PGM5: variants seen among roughly 807,000 people sequenced by gnomAD.
PGM5 encodes phosphoglucomutase-like protein 5.
A neutral mutation model predicts 59.2 loss-of-function variants in PGM5; 23 were observed. The ratio of observed to expected loss-of-function variants is 0.39; its 90% CI spans 0.28 to 0.55. The LOEUF is 0.55. Ranked by LOEUF, PGM5 falls within the 20% of genes least tolerant of loss-of-function variation. The probability of loss-of-function intolerance (pLI) is 0.66; values close to 1 mark genes in which losing one functional copy is unlikely to be tolerated. For missense variants in PGM5, 574 were observed against 748.3 expected, an observed-to-expected ratio of 0.77 and a Z score of 2.72; for synonymous variants, 214 against 286.0, an observed-to-expected ratio of 0.75 and a Z score of 2.54.
chr9:68,492,859 C>T (rs1487080125), intron 9 of PGM5, among the ~76,000 whole-genome samples: 1 of 152,194 alleles, frequency 6.6e-6, no homozygotes, highest in African/African-American at 2.4e-5. Flanking sequence ...TTCTAGGCTG[C>T]ATGCCCACTT....
Position 68,357,192 on chromosome 9 carries a change from C to T in PGM5, c.65C>T (p.Ala22Val), listed in dbSNP as rs1224754486. ...GCGCCCTACGAGGACCAGCGGCCGGCCGGCGGCGGGGGTCTGCGGCGACCC... is the reference window on the plus strand; with the variant it reads ...GCGCCCTACGAGGACCAGCGGCCGGTCGGCGGCGGGGGTCTGCGGCGACCC... ...PTAPYEDQRP[A>V]GGGGLRRPTG... Residue 22 changes from alanine to valine, a missense_variant, in exon 1 of 11, where the codon GCC (alanine) becomes GTC (valine). This residue lies in a region of PGM5 where 60 missense variants were observed against 71.0 expected (regional missense o/e 0.85). Coordinates refer to ENST00000396396, the MANE Select transcript of PGM5 (RefSeq NM_021965.4). 5.2e-6 allele frequency: 8 copies of T among 1,539,864 alleles called. No homozygotes were observed. The Admixed American group carries it at 1.4e-4, about 26-fold the overall frequency.
intron 7 of PGM5, 129 bp downstream of exon 7, chr9:68,465,337 C>G: frequency 1.5e-6 from 1 of 645,516 alleles, no homozygotes; most frequent in Non-Finnish European, 2.8e-6. Flanking sequence ...TCAGAGAAAC[C>G]TAGTAGAGTA....
intron 6 of PGM5, among the ~76,000 whole-genome samples, chr9:68,436,989 G>A (rs1047753329): frequency 2.6e-5 from 4 of 152,142 alleles, no homozygotes; most frequent in Non-Finnish European, 5.9e-5. Context: ...GTGTATTAAT[G>A]AATTTCTTCA....
intron 6 of PGM5, among the ~76,000 whole-genome samples, chr9:68,407,705 C>A (rs1245827553): frequency 6.6e-6 from 1 of 152,186 alleles, no homozygotes; most frequent in Non-Finnish European, 1.5e-5. Context: ...TTGTATTGCC[C>A]ACACATCCCA....
chr9:68,359,355 C>T (rs1472456331), intron 1 of PGM5, among the ~76,000 whole-genome samples: 4 of 152,130 alleles, frequency 2.6e-5, no homozygotes, highest in Non-Finnish European at 4.4e-5. Flanking sequence ...ATAGAAGCAT[C>T]GACTCTTAAA....
At chr9:68,371,657 CAG>C (rs1207003950) in intron 1 of PGM5, 2 of 131,520 alleles carry the variant, frequency 1.5e-5, no homozygotes, top group Non-Finnish European at 3.3e-5. Context: ...GATCCTATGT[CAG>C]GGGATAGTCA....
At chr9:68,419,618 G>GACTT (rs769566413) in intron 6 of PGM5, among the ~76,000 whole-genome samples, 27 of 152,222 alleles carry the variant, frequency 1.8e-4, no homozygotes, top group Non-Finnish European at 2.9e-4. Flanking sequence ...TCCTCTCAGA[G>GACTT]ACTTAGCTTT....
At position 68,376,898 on chromosome 9, in the gene PGM5, CTCTCTCTT is replaced by C. The variant is rs1176299157; in HGVS notation, c.262-1297_262-1290del. Among the ~76,000 whole-genome samples the C allele has an allele frequency of 9.0e-4, 97 of 108,248 alleles. 3 individuals carry two copies. The highest frequency in any genetic ancestry group is 3.1e-3 in the African/African-American group (86 of 27,890). The allele number at this position is 108,248 out of a possible 152,430, so 71.0% of individuals were successfully genotyped here. On this transcript the variant is annotated intron_variant, in intron 1 of 10. Coordinates refer to ENST00000396396, the MANE Select transcript of PGM5 (RefSeq NM_021965.4). ...TCTTTCTTTCTTTTTTTCTTTCTTT[CTCTCTCTT>C]TCTTTCTTTCTTTTTCTTTCTTCTT...
chr9:68,373,591 T>C (rs1235574209), intron 1 of PGM5, among the ~76,000 whole-genome samples: 3 of 152,188 alleles, frequency 2.0e-5, no homozygotes, highest in African/African-American at 7.2e-5. Flanking sequence ...AATTTTATAC[T>C]GTAATAGCAT....
chr9:68,509,025 G>C (rs1824702634), intron 10 of PGM5, among the ~76,000 whole-genome samples: 1 of 152,204 alleles, frequency 6.6e-6, no homozygotes, highest in Non-Finnish European at 1.5e-5. Flanking sequence ...GCCAGCATCT[G>C]GAAGCAGCTT....
At chr9:68,399,543 C>T (rs1403238921) in intron 6 of PGM5, among the ~76,000 whole-genome samples, 3 of 151,272 alleles carry the variant, frequency 2.0e-5, no homozygotes, top group African/African-American at 7.3e-5. Flanking sequence ...TTTTTCATGT[C>T]TCACATTACT....
At chr9:68,476,479 T>C (rs1369063704) in intron 7 of PGM5, among the ~76,000 whole-genome samples, 2 of 152,262 alleles carry the variant, frequency 1.3e-5, no homozygotes, top group Non-Finnish European at 2.9e-5. Context: ...GATACCTTTG[T>C]GCTTTCTGGA....
chr9:68,370,997 T>C (rs1262523473), intron 1 of PGM5, among the ~76,000 whole-genome samples: 1 of 152,106 alleles, frequency 6.6e-6, no homozygotes, highest in Non-Finnish European at 1.5e-5. Flanking sequence ...ATAATGTTCA[T>C]ATATGTGATA....
At chr9:68,407,012 AC>A (rs1822835258) in intron 6 of PGM5, among the ~76,000 whole-genome samples, 1 of 151,848 alleles carries the variant, frequency 6.6e-6, no homozygotes, top group African/African-American at 2.4e-5. Flanking sequence ...TGTGAACCTC[AC>A]ATATCTCTAT....
chr9:68,488,915 T>A (rs1824341822), intron 9 of PGM5, among the ~76,000 whole-genome samples: 1 of 152,180 alleles, frequency 6.6e-6, no homozygotes, highest in African/African-American at 2.4e-5. Flanking sequence ...ATCAAATGGC[T>A]AAGTAGTTAA....
intron 7 of PGM5, among the ~76,000 whole-genome samples, chr9:68,478,354 T>TGCCCTAGCTTG (rs1336645813): frequency 6.6e-6 from 1 of 152,218 alleles, no homozygotes; most frequent in Non-Finnish European, 1.5e-5. Context: ...GCTTTTTCTG[T>TGCCCTAGCTTG]GCCCTAGCTT....
rs572753308 is a variant in PGM5 at position 68,456,095 on chromosome 9, C to T, written c.1044-8998C>T. On this transcript the variant is annotated intron_variant, in intron 6 of 10. Transcript: ENST00000396396. The stretch of plus-strand genomic sequence containing the variant: ...CATCCTTGAACCTCATCTTCTTGTG[C>T]GCGTGTGTTCAAGTTTCTCTAGGAA... 1.6e-4 allele frequency among the ~76,000 whole-genome samples: 25 copies of T among 152,184 alleles called. No individual in the cohort carries two copies. The South Asian group carries it at 2.1e-3, about 13-fold the overall frequency.
intron 6 of PGM5, among the ~76,000 whole-genome samples, chr9:68,415,325 G>T (rs1823006491): frequency 6.7e-6 from 1 of 149,664 alleles, no homozygotes; most frequent in South Asian, 2.1e-4. Context: ...TGGTTGTTCT[G>T]AGAGGCAGTG....
intron 10 of PGM5, among the ~76,000 whole-genome samples, chr9:68,525,191 AC>A (rs1230369505): frequency 6.6e-6 from 1 of 151,834 alleles, no homozygotes; most frequent in African/African-American, 2.4e-5. Flanking sequence ...GGCACTGTTG[AC>A]CCTCCCACAT....
Sources: gnomAD v4.1 joint callset for allele counts (sites outside exome capture counted in the v4.1 genomes callset) on GRCh38, gnomAD v4.1.1 for gene constraint, gnomAD v4.1.1 regional missense constraint, MANE v1.5 for transcripts, NCBI Gene and HGNC (gene_info 2026-07-23, HGNC 2026-07-21) for gene names.